The following TUB variants were observed in gnomAD, a reference collection of about 807,000 sequenced individuals.
TUB encodes TUB bipartite transcription factor.
A neutral mutation model predicts 59.7 loss-of-function variants in TUB; 33 were observed. The observed-to-expected ratio is 0.55, with a 90% CI of 0.42 to 0.74. The LOEUF (loss-of-function observed/expected upper bound fraction) is 0.74, where lower values mean the gene tolerates loss of function less well. Among genes scored for constraint, TUB ranks in the 30% least tolerant of loss-of-function variants. TUB has a pLI of 0.00. For synonymous variants in TUB, 293 were observed against 256.4 expected (o/e 1.14, Z -1.36); for missense variants, 659 against 672.0 (o/e 0.98, Z 0.21).
intron 1 of TUB, among the ~76,000 whole-genome samples, chr11:8,022,155 G>T (rs1316043269): frequency 6.6e-6 from 1 of 152,116 alleles, no homozygotes; most frequent in East Asian, 1.9e-4. Context: ...GCTGCAGCTG[G>T]TTTGTCTACT....
intron 2 of TUB, chr11:8,075,583 T>C (rs1197526308): frequency 6.6e-6 from 1 of 152,244 alleles, no homozygotes; most frequent in Non-Finnish European, 1.5e-5. Context: ...CCACAGTCTC[T>C]TTAAATTTAT....
In TUB at chr11:8,104,993, A is replaced by G. The variant is rs1196525500; in HGVS notation, c.*3374A>G. 1 of 150,202 alleles carries G rather than the reference A, an allele frequency of 6.7e-6. No individual in the cohort carries two copies. The highest frequency in any genetic ancestry group is 2.5e-5 in the African/African-American group (1 of 40,798). The allele number at this position is 150,202 out of a possible 1,614,324, so 9.3% of individuals were successfully genotyped here. Reference sequence around the variant, plus strand: ...CATTTACCTCTTAAATAAACTTAGCATTTAGAGGTAATTCTAAATTTAACA... The same window carrying G: ...CATTTACCTCTTAAATAAACTTAGCGTTTAGAGGTAATTCTAAATTTAACA... On this transcript the variant is annotated 3_prime_UTR_variant, in exon 12 of 12. Coordinates refer to ENST00000299506, the MANE Select transcript of TUB (RefSeq NM_177972.3).
At position 8,101,556 on chromosome 11, in the gene TUB, G is replaced by C. The variant is rs759561256; in HGVS notation, c.1458G>C (p.Leu486=). ...DVFTMDYNYP[L]CALQAFAIAL... The stretch of plus-strand genomic sequence containing the variant: ...TCACCATGGATTACAACTACCCGCT[G>C]TGTGCACTGCAGGCCTTTGCCATTG... Residue 486 remains leucine, a synonymous_variant, in exon 12 of 12, where the codon CTG becomes CTC. Coordinates refer to ENST00000299506, the MANE Select transcript of TUB (RefSeq NM_177972.3). 1 of 1,614,254 alleles carries C rather than the reference G, an allele frequency of 6.2e-7. No homozygotes were observed. The highest frequency in any genetic ancestry group is 1.7e-5 in the Admixed American group (1 of 60,034).
At chr11:8,039,293 C>T (rs1241063187) in intron 1 of TUB, among the ~76,000 whole-genome samples, 1 of 152,172 alleles carries the variant, frequency 6.6e-6, no homozygotes, top group East Asian at 1.9e-4. Context: ...GGCCTCTCCC[C>T]CAGCCTCCAG....
chr11:8,050,154 G>A (rs993140680), intron 2 of TUB, among the ~76,000 whole-genome samples: 3 of 152,218 alleles, frequency 2.0e-5, no homozygotes, highest in African/African-American at 7.2e-5. Flanking sequence ...TGTCAGGTAT[G>A]TAGTTATACG....
chr11:8,060,322 C>A (rs1439380650), intron 2 of TUB, among the ~76,000 whole-genome samples: 1 of 152,160 alleles, frequency 6.6e-6, no homozygotes, highest in South Asian at 2.1e-4. Context: ...CAGGTCCCTC[C>A]GTACAGGAAA....
In TUB at chr11:8,105,919, G is replaced by GT. The variant is rs149218730; in HGVS notation, c.*4301dup. The GT allele has an allele frequency of 0.036, 5,431 of 152,292 alleles. 125 individuals are homozygous for GT. The highest frequency in any genetic ancestry group is 0.058 in the Non-Finnish European group (3,940 of 68,006). The allele number at this position is 152,292 out of a possible 1,614,324, so 9.4% of individuals were successfully genotyped here. A position where few individuals can be genotyped will look rare whatever the true frequency, so the allele number is the denominator to read the frequency against. On this transcript the variant is annotated 3_prime_UTR_variant, in exon 12 of 12. Coordinates refer to ENST00000299506, the MANE Select transcript of TUB (RefSeq NM_177972.3). ...CTGACTGCTCGGTCAGGAGGGTGCA[G>GT]TATCTCTTGCTGGGAACACAGCCAG...
At position 8,051,400 on chromosome 11, in the gene TUB, T is replaced by A. The variant is rs184894332; in HGVS notation, c.203+11708T>A. Among the ~76,000 whole-genome samples, 284 of 152,346 alleles carry A rather than the reference T, an allele frequency of 1.9e-3. 4 individuals carry two copies. Among genetic ancestry groups the A allele is most frequent in the Non-Finnish European group, 2.0e-3 (137 of 68,034 alleles). ...GGATTTGTTGAAATTTAATCATTCCTTTATTTTGGTTATTTCCATAATTTC... is the reference window on the plus strand; with the variant it reads ...GGATTTGTTGAAATTTAATCATTCCATTATTTTGGTTATTTCCATAATTTC... On this transcript the variant is annotated intron_variant, in intron 2 of 12. Coordinates refer to the TUB transcript ENST00000305253.
chr11:8,103,259 G>A lies in TUB; in HGVS notation c.*1640G>A, dbSNP rs1944383961. 2.0e-5 allele frequency: 3 copies of A among 152,216 alleles called. No individual in the cohort carries two copies. Among genetic ancestry groups the A allele is most frequent in the Non-Finnish European group, 4.4e-5 (3 of 68,056 alleles). 9.4% of individuals were successfully genotyped at this position (152,216 alleles called of 1,614,324 possible). A position where few individuals can be genotyped will look rare whatever the true frequency, so the allele number is the denominator to read the frequency against. On this transcript the variant is annotated 3_prime_UTR_variant, in exon 12 of 12. Transcript: ENST00000299506. ...CACCCTGCAGGCTTGGGAACTGTAAGCTCAAGCTTTTGCTCATTTGTCATT... is the reference window on the plus strand; with the variant it reads ...CACCCTGCAGGCTTGGGAACTGTAAACTCAAGCTTTTGCTCATTTGTCATT...
chr11:8,080,879 G>C (rs574292283), upstream of TUB, among the ~76,000 whole-genome samples: 67 of 152,292 alleles, frequency 4.4e-4, no homozygotes, highest in Non-Finnish European at 7.5e-4. Context: ...CGCGCCTCCG[G>C]CCCGGTCCCT....
intron 3 of TUB, among the ~76,000 whole-genome samples, chr11:8,090,933 A>G (rs1943759180): frequency 6.6e-6 from 1 of 152,050 alleles, no homozygotes; most frequent in Admixed American, 6.6e-5. Context: ...CTGAGCTTGA[A>G]AGGAGGACTC....
At chr11:8,027,567 G>T (rs541767471) in intron 1 of TUB, among the ~76,000 whole-genome samples, 31 of 152,034 alleles carry the variant, frequency 2.0e-4, no homozygotes, top group Admixed American at 1.6e-3. Flanking sequence ...CAGGCTGGAG[G>T]GCAGTGGCGC....
intron 1 of TUB, among the ~76,000 whole-genome samples, chr11:8,025,781 G>A (rs537269889): frequency 3.5e-4 from 53 of 152,272 alleles, no homozygotes; most frequent in African/African-American, 1.2e-3. Flanking sequence ...TCATGTACAG[G>A]TCTTTGTATG....
intron 1 of TUB, among the ~76,000 whole-genome samples, chr11:8,019,859 C>G (rs1031839656): frequency 5.3e-5 from 8 of 152,220 alleles, no homozygotes; most frequent in African/African-American, 1.9e-4. Context: ...ACCCGCGAGT[C>G]GCTGCCTGTT....
chr11:8,020,191 TTTG>T (rs1428012411), intron 1 of TUB, among the ~76,000 whole-genome samples: 1 of 152,236 alleles, frequency 6.6e-6, no homozygotes, highest in Non-Finnish European at 1.5e-5. Flanking sequence ...AGTTTGTTTG[TTTG>T]TTGTTTTTAA....
upstream of TUB, among the ~76,000 whole-genome samples, chr11:8,034,637 A>G (rs1453767379): frequency 2.0e-5 from 3 of 152,176 alleles, no homozygotes; most frequent in African/African-American, 7.2e-5. Flanking sequence ...CTGAAGGTTG[A>G]TTATTAGTAA....
At chr11:8,079,694 G>C (rs1943508824), upstream of TUB, among the ~76,000 whole-genome samples, 1 of 152,046 alleles carries the variant, frequency 6.6e-6, no homozygotes. Context: ...GTGTGCGTGT[G>C]TGTGTGCATG....
chr11:8,038,603 G>T (rs1012382532), upstream of TUB: 2 of 1,167,324 alleles, frequency 1.7e-6, no homozygotes, highest in African/African-American at 1.6e-5. Context: ...CCAGCAATTG[G>T]GTGTCCCTGT....
chr11:8,101,019 C>T (rs999871921), intron 11 of TUB, 22 bp downstream of exon 11: 1 of 1,613,526 alleles, frequency 6.2e-7, no homozygotes, highest in African/African-American at 1.3e-5. Flanking sequence ...TGTCCCTACT[C>T]ATTATGGTCC....
Sources: allele counts gnomAD v4.1 joint callset (sites outside exome capture counted in the v4.1 genomes callset), GRCh38; gene constraint gnomAD v4.1.1; transcripts MANE v1.5; gene names NCBI Gene and HGNC (gene_info 2026-07-23, HGNC 2026-07-21).